Variants in ST18 observed in about 807,000 individuals in gnomAD.
The protein encoded by ST18 is ST18 C2H2C-type zinc finger transcription factor.
In ST18, 50 loss-of-function variants were observed where a neutral mutation model predicts 110.0. The observed-to-expected ratio is 0.45, with a 90% CI of 0.36 to 0.58. The LOEUF is 0.58. Among genes scored for constraint, ST18 ranks in the 20% least tolerant of loss-of-function variants. The pLI, the probability that ST18 is intolerant of heterozygous loss-of-function variation, is 0.00. For missense variants in ST18, 1,306 were observed against 1,280.1 expected, an observed-to-expected ratio of 1.02 and a Z score of -0.31; for synonymous variants, 461 against 452.4, an observed-to-expected ratio of 1.02 and a Z score of -0.24.
intron 2 of ST18, among the ~76,000 whole-genome samples, chr8:52,335,120 T>A (rs1258709621): frequency 1.3e-5 from 2 of 152,226 alleles, no homozygotes; most frequent in Non-Finnish European, 2.9e-5. Flanking sequence ...CACCAGGCAA[T>A]AGAGAAATCA....
chr8:52,351,888 G>C (rs570495558), intron 2 of ST18, among the ~76,000 whole-genome samples: 4 of 152,172 alleles, frequency 2.6e-5, no homozygotes, highest in Non-Finnish European at 5.9e-5. Flanking sequence ...TTCATGTTAT[G>C]CAGTCACAGA....
intron 2 of ST18, among the ~76,000 whole-genome samples, chr8:52,231,716 C>T (rs1413484846): frequency 6.6e-6 from 1 of 152,200 alleles, no homozygotes; most frequent in African/African-American, 2.4e-5. Flanking sequence ...ACCTCGTGAT[C>T]CGCCAGCCGC....
chr8:52,142,908 C>G (rs771370863), intron 17 of ST18, 22 bp downstream of exon 17: 1 of 1,484,568 alleles, frequency 6.7e-7, no homozygotes. Flanking sequence ...TCTTAGAGGG[C>G]ATGGCATTGG....
At chr8:52,368,157 C>T (rs1404604755) in intron 2 of ST18, among the ~76,000 whole-genome samples, 2 of 152,050 alleles carry the variant, frequency 1.3e-5, no homozygotes, top group South Asian at 2.1e-4. Context: ...TCCTGCCTCT[C>T]AGTACACACT....
chr8:52,365,242 A>G (rs1458125885), intron 2 of ST18, among the ~76,000 whole-genome samples: 2 of 152,046 alleles, frequency 1.3e-5, no homozygotes, highest in African/African-American at 4.8e-5. Context: ...CTGAATGTCA[A>G]ATGATTTCTT....
At chr8:52,148,341 AGT>A (rs1049721402) in intron 16 of ST18, among the ~76,000 whole-genome samples, 22 of 152,348 alleles carry the variant, frequency 1.4e-4, no homozygotes, top group African/African-American at 5.3e-4. Context: ...CAAAAGCTGC[AGT>A]GTGTGAATCC....
At chr8:52,280,631 C>G (rs1397205870) in intron 2 of ST18, among the ~76,000 whole-genome samples, 2 of 151,862 alleles carry the variant, frequency 1.3e-5, no homozygotes, top group Admixed American at 1.3e-4. Flanking sequence ...TATTAATGAC[C>G]TTATTTAAGT....
chr8:52,346,608 T>C (rs141988563), intron 2 of ST18, among the ~76,000 whole-genome samples: 8 of 152,184 alleles, frequency 5.3e-5, no homozygotes, highest in African/African-American at 1.7e-4. Flanking sequence ...AAAGCAATGA[T>C]AAACACAACT....
rs79167272 is a variant in ST18 at position 52,124,015 on chromosome 8, C to T, written c.2755+2037G>A. Among the ~76,000 whole-genome samples, 676 of 152,236 alleles carry T rather than the reference C, an allele frequency of 4.4e-3. 2 individuals carry two copies. Among genetic ancestry groups the T allele is most frequent in the African/African-American group, 0.015 (637 of 41,552 alleles). On this transcript the variant is annotated intron_variant, in intron 23 of 25. Coordinates refer to ENST00000689386, the MANE Select transcript of ST18 (RefSeq NM_001352837.2). ...TTTACTTACTACCACGTGATTCACA[C>T]GGTGATTATAGCTTTCTTTTGTGTT...
At chr8:52,237,166 A>G (rs1279605581) in intron 2 of ST18, among the ~76,000 whole-genome samples, 1 of 152,234 alleles carries the variant, frequency 6.6e-6, no homozygotes, top group East Asian at 1.9e-4. Flanking sequence ...CATAATCCAA[A>G]AAGAGATCAG....
intron 2 of ST18, among the ~76,000 whole-genome samples, chr8:52,372,612 A>T (rs1193654439): frequency 6.6e-6 from 1 of 152,216 alleles, no homozygotes; most frequent in Non-Finnish European, 1.5e-5. Flanking sequence ...GTATTTTTAC[A>T]GCACCTTTTC....
chr8:52,197,914 A>C (rs1352532305), intron 8 of ST18, among the ~76,000 whole-genome samples: 4 of 106,782 alleles, frequency 3.7e-5, no homozygotes, highest in Non-Finnish European at 6.2e-5. Context: ...CACACACACA[A>C]ATACAGAACT....
chr8:52,281,865 T>A (rs1426889288), intron 2 of ST18, among the ~76,000 whole-genome samples: 3 of 152,186 alleles, frequency 2.0e-5, no homozygotes, highest in African/African-American at 7.2e-5. Context: ...GGCATAAGAA[T>A]GATACAATGG....
rs181842540 is a variant in ST18 at position 52,176,377 on chromosome 8, A to G, written c.277+3745T>C. ...GGTGATGATCAATTATAAATAAAAT[A>G]AACAACATGACCAAACAAAAACTAA... is the stretch of plus-strand genomic sequence containing the variant. On this transcript the variant is annotated intron_variant, in intron 9 of 25. Transcript: ENST00000689386. Among the ~76,000 whole-genome samples the G allele has an allele frequency of 3.3e-5, 5 of 152,308 alleles. No individual in the cohort carries two copies. The East Asian group carries it at 7.7e-4, about 23-fold the overall frequency.
chr8:52,190,127 A>G (rs2134759352), intron 8 of ST18, among the ~76,000 whole-genome samples: 1 of 152,358 alleles, frequency 6.6e-6, no homozygotes, highest in East Asian at 1.9e-4. Flanking sequence ...CTCATGTGAC[A>G]GGTGCATTCA....
intron 2 of ST18, among the ~76,000 whole-genome samples, chr8:52,246,013 A>T (rs933342483): frequency 2.0e-5 from 3 of 152,164 alleles, no homozygotes; most frequent in African/African-American, 7.2e-5. Flanking sequence ...AAATGTTCTG[A>T]AAAGTTAAAC....
At chr8:52,404,337 A>G (rs1452423424) in intron 2 of ST18, 1 of 152,214 alleles carries the variant, frequency 6.6e-6, no homozygotes, top group Non-Finnish European at 1.5e-5. Context: ...TCCTGCACAG[A>G]GAAGGGCTCA....
rs1322693832 is a variant in ST18 at position 52,178,635 on chromosome 8, AAAAAAAAAC to A, written c.277+1478_277+1486del. Among the ~76,000 whole-genome samples, 617 of 132,086 alleles carry A rather than the reference AAAAAAAAAC, an allele frequency of 4.7e-3. 119 individuals carry two copies. Among genetic ancestry groups the A allele is most frequent in the African/African-American group, 0.02 (578 of 29,458 alleles). The allele number at this position is 132,086 out of a possible 152,430, so 86.7% of individuals were successfully genotyped here. A position where few individuals can be genotyped will look rare whatever the true frequency, so the allele number is the denominator to read the frequency against. On this transcript the variant is annotated intron_variant, in intron 9 of 25. Transcript: ENST00000689386. The stretch of plus-strand genomic sequence containing the variant: ...CCATCAAAAAAAAAAAAAAAAAAAA[AAAAAAAAAC>A]CACCAAAAACCAAAATAAAACAAAC...
chr8:52,212,296 G>A (rs551940311), intron 7 of ST18, among the ~76,000 whole-genome samples, 187 bp from the exon 8 acceptor site: 1 of 152,310 alleles, frequency 6.6e-6, no homozygotes, highest in East Asian at 1.9e-4. Context: ...CAGACCGGCT[G>A]TGGGTTTAGT....
Sources: gnomAD v4.1 joint callset for allele counts (sites outside exome capture counted in the v4.1 genomes callset) on GRCh38, gnomAD v4.1.1 for gene constraint, MANE v1.5 for transcripts, NCBI Gene and HGNC (gene_info 2026-07-23, HGNC 2026-07-21) for gene names.